The following MAP2K5 variants were observed in gnomAD, a reference collection of about 807,000 sequenced individuals.
The protein encoded by MAP2K5 is mitogen-activated protein kinase kinase 5, also known as dual specificity mitogen-activated protein kinase kinase 5.
A neutral mutation model predicts 83.1 loss-of-function variants in MAP2K5; 49 were observed. The ratio of observed to expected loss-of-function variants is 0.59; its 90% CI spans 0.47 to 0.75. MAP2K5 has a LOEUF of 0.75. Among genes scored for constraint, MAP2K5 ranks in the 30% least tolerant of loss-of-function variants. The probability of loss-of-function intolerance (pLI) is 0.00; values close to 1 mark genes in which losing one functional copy is unlikely to be tolerated. For synonymous variants in MAP2K5, 202 were observed against 191.8 expected (o/e 1.05, Z -0.44); for missense variants, 457 against 557.5 (o/e 0.82, Z 1.82).
intron 13 of MAP2K5, 88 bp downstream of exon 13, chr15:67,664,733 C>A: frequency 1.2e-6 from 1 of 818,646 alleles, no homozygotes; most frequent in Non-Finnish European, 2.0e-6. Flanking sequence ...AGTGTTCTGA[C>A]ATTTAAGCCA....
chr15:67,787,868 A>T (rs1473311575), intron 21 of MAP2K5, among the ~76,000 whole-genome samples: 3 of 152,256 alleles, frequency 2.0e-5, no homozygotes, highest in Admixed American at 6.5e-5. Flanking sequence ...ACTAATCAAC[A>T]TTTTAATTAC....
At chr15:67,714,167 A>G (rs1401809365) in intron 16 of MAP2K5, among the ~76,000 whole-genome samples, 1 of 152,188 alleles carries the variant, frequency 6.6e-6, no homozygotes, top group African/African-American at 2.4e-5. Flanking sequence ...ATAAACAATA[A>G]TAAACACTTA....
At chr15:67,656,930 A>G (rs2087097235) in intron 11 of MAP2K5, among the ~76,000 whole-genome samples, 1 of 152,202 alleles carries the variant, frequency 6.6e-6, no homozygotes. Context: ...AAAAGAACTC[A>G]TCAAACTTAA....
chr15:67,746,331 T>G lies in MAP2K5; in HGVS notation c.1075-1900T>G, dbSNP rs1396103992. ...CATCCCCCTGACTCTTGGAAATTTG[T>G]GAAACACATTCTCTTTGATGTCAGA... On this transcript the variant is annotated intron_variant, in intron 17 of 21. Transcript: ENST00000178640. This position sits in a 1 kb window ranked among gnomAD's most constrained non-coding sequence, Gnocchi z 4.1. 2.0e-5 allele frequency among the ~76,000 whole-genome samples: 3 copies of G among 152,208 alleles called. No individual in the cohort carries two copies. The highest frequency in any genetic ancestry group is 4.1e-4 in the South Asian group (2 of 4,830).
At chr15:67,771,097 T>G (rs1425209350) in intron 20 of MAP2K5, among the ~76,000 whole-genome samples, 1 of 151,896 alleles carries the variant, frequency 6.6e-6, no homozygotes, top group Non-Finnish European at 1.5e-5. Flanking sequence ...TCCCTCTTAA[T>G]TTCCTTTACA....
chr15:67,801,724 C>T lies in MAP2K5; in HGVS notation c.1243-4922C>T, dbSNP rs774871255. ...CAGATGTAAGGCATTCAGCCAATGCCTGTACACAGCAAGTGCTCAGTAAGT... is the reference window on the plus strand; with the variant it reads ...CAGATGTAAGGCATTCAGCCAATGCTTGTACACAGCAAGTGCTCAGTAAGT... On this transcript the variant is annotated intron_variant, in intron 21 of 21. Coordinates refer to ENST00000178640, the MANE Select transcript of MAP2K5 (RefSeq NM_145160.3). The surrounding 1 kb of genome is among the most constrained non-coding windows in gnomAD (Gnocchi z 4.8). Among the ~76,000 whole-genome samples the T allele has an allele frequency of 1.1e-4, 17 of 152,154 alleles. No individual in the cohort carries two copies. The highest frequency in any genetic ancestry group is 1.6e-4 in the Non-Finnish European group (11 of 68,028).
At chr15:67,789,680 A>C (rs1013673684) in intron 21 of MAP2K5, among the ~76,000 whole-genome samples, 14 of 151,838 alleles carry the variant, frequency 9.2e-5, no homozygotes, top group Non-Finnish European at 1.9e-4. Flanking sequence ...GCACCATTGC[A>C]CTCCAGCCTG....
At chr15:67,765,997 T>C (rs953433313) in intron 19 of MAP2K5, among the ~76,000 whole-genome samples, 1 of 152,234 alleles carries the variant, frequency 6.6e-6, no homozygotes, top group Non-Finnish European at 1.5e-5. Flanking sequence ...ACTCAAACTT[T>C]TTCCTATTGT....
Position 67,769,639 on chromosome 15 carries a change from C to G in MAP2K5, c.1172C>G (p.Pro391Arg). The G allele has an allele frequency of 3.1e-6, 5 of 1,613,718 alleles. No homozygotes were observed. Among genetic ancestry groups the G allele is most frequent in the Non-Finnish European group, 4.2e-6 (5 of 1,179,760 alleles). Reference protein sequence around the residue: ...PVLPVGEFSEPFVHFITQCMR... With the variant: ...PVLPVGEFSERFVHFITQCMR... ...CTTCCAGTTGGAGAGTTCTCGGAGC[C>G]ATTTGTACATTTCATCACTCAGTGG... Residue 391 changes from proline to arginine, a missense_variant, in exon 20 of 22, where the codon CCA becomes CGA. This residue lies in a region of MAP2K5 where 168 missense variants were observed against 263.0 expected (regional missense o/e 0.64). Transcript: ENST00000178640. The surrounding 1 kb of genome is among the most constrained non-coding windows in gnomAD (Gnocchi z 5.2).
chr15:67,586,898 C>T lies in MAP2K5; in HGVS notation c.416C>T (p.Ser139Leu). 2 of 1,614,144 alleles carry T rather than the reference C, an allele frequency of 1.2e-6. No individual in the cohort carries two copies. Among genetic ancestry groups the T allele is most frequent in the African/African-American group, 1.3e-5 (1 of 75,034 alleles). Residue 139 changes from serine to leucine, a missense_variant, in exon 6 of 22, where the codon TCA becomes TTA. Physicochemically the swap from Ser to Leu is moderately radical, Grantham distance 145 (BLOSUM62 -2). Around this residue, in one of 3 missense-constraint regions of MAP2K5, gnomAD observed 234 missense variants for 243.6 expected, o/e 0.96. Transcript: ENST00000178640. The part of the protein sequence containing the change: ...SQHSSPAVSD[S>L]LPSNSLKKSS... ...CACAGCAGCCCAGCAGTCTCAGATTCACTTCCAAGCAATAGGTGCGAGCGA... is the reference window on the plus strand; with the variant it reads ...CACAGCAGCCCAGCAGTCTCAGATTTACTTCCAAGCAATAGGTGCGAGCGA...
Position 67,794,910 on chromosome 15 carries a change from T to C in MAP2K5, c.1243-11736T>C, listed in dbSNP as rs1308450310. ...TTGAAATAAGATGAGACAATAGATA[T>C]GAAATGCTTTGAAAAGTTAAAACTA... On this transcript the variant is annotated intron_variant, in intron 21 of 21. Transcript: ENST00000178640. The surrounding 1 kb of genome is among the most constrained non-coding windows in gnomAD (Gnocchi z 4.6). 6.6e-6 allele frequency among the ~76,000 whole-genome samples: 1 copy of C among 152,240 alleles called. No homozygotes were observed. The highest frequency in any genetic ancestry group is 2.4e-5 in the African/African-American group (1 of 41,472).
At chr15:67,806,576 G>A in intron 21 of MAP2K5, 70 bp from the exon 22 acceptor site, 2 of 1,335,712 alleles carry the variant, frequency 1.5e-6, no homozygotes, top group Middle Eastern at 1.9e-4. Context: ...GCTGAGGGCA[G>A]GCCCTGGAAA....
chr15:67,549,934 CA>C, intron 1 of MAP2K5, 99 bp from the exon 2 acceptor site: 2 of 872,038 alleles, frequency 2.3e-6, no homozygotes, highest in Non-Finnish European at 3.9e-6. Flanking sequence ...GCTAACGTTT[CA>C]AAAATCTTTC....
Position 67,722,703 on chromosome 15 carries a change from T to G in MAP2K5, c.1045-5213T>G, listed in dbSNP as rs1368227828. 6.6e-6 allele frequency among the ~76,000 whole-genome samples: 1 copy of G among 152,208 alleles called. No individual in the cohort carries two copies. The highest frequency in any genetic ancestry group is 1.5e-5 in the Non-Finnish European group (1 of 68,034). ...TAGGGAATTTTATGTAATCCAGTAG[T>G]TAAGTCTGATTTTTTAAAGTTTCCC... On this transcript the variant is annotated intron_variant, in intron 16 of 21. Coordinates refer to ENST00000178640, the MANE Select transcript of MAP2K5 (RefSeq NM_145160.3). The surrounding 1 kb of genome is among the most constrained non-coding windows in gnomAD (Gnocchi z 4.2).
intron 3 of MAP2K5, among the ~76,000 whole-genome samples, chr15:67,571,098 TC>T (rs1225102814): frequency 6.6e-6 from 1 of 152,240 alleles, no homozygotes; most frequent in Non-Finnish European, 1.5e-5. Context: ...TCTGGATTCT[TC>T]CTGTAAACAT....
At chr15:67,773,407 G>A (rs1441549885) in intron 21 of MAP2K5, among the ~76,000 whole-genome samples, 3 of 152,180 alleles carry the variant, frequency 2.0e-5, no homozygotes, top group African/African-American at 7.2e-5. Flanking sequence ...TCGAGCATTA[G>A]TAAATAATAA....
chr15:67,715,455 C>T (rs888756246), intron 16 of MAP2K5, among the ~76,000 whole-genome samples: 1 of 152,134 alleles, frequency 6.6e-6, no homozygotes, highest in Non-Finnish European at 1.5e-5. Flanking sequence ...CTGAATAAAG[C>T]ATTGTTGAGT....
chr15:67,642,018 T>C (rs926336137), intron 9 of MAP2K5, among the ~76,000 whole-genome samples: 1 of 152,210 alleles, frequency 6.6e-6, no homozygotes, highest in Non-Finnish European at 1.5e-5. Context: ...GAAATTACTT[T>C]ATTTGTTTTT....
At chr15:67,799,960 G>T (rs1230759038) in intron 21 of MAP2K5, among the ~76,000 whole-genome samples, 1 of 152,174 alleles carries the variant, frequency 6.6e-6, no homozygotes, top group South Asian at 2.1e-4. Flanking sequence ...GGGGGGGATT[G>T]TTATTGTGAT....
Sources: allele counts gnomAD v4.1 joint callset (sites outside exome capture counted in the v4.1 genomes callset), GRCh38; gene constraint gnomAD v4.1.1; regional missense constraint gnomAD v4.1.1; non-coding constraint Gnocchi (gnomAD v3.1); transcripts MANE v1.5; gene names NCBI Gene and HGNC (gene_info 2026-07-23, HGNC 2026-07-21).